The following IRAG2 variants were observed in gnomAD, a reference collection of about 807,000 sequenced individuals.
The protein encoded by IRAG2 is inositol 1,4,5-triphosphate receptor associated 2.
In IRAG2, 45 loss-of-function variants were observed where a neutral mutation model predicts 69.9. That is an observed-to-expected ratio of 0.64 (90% confidence interval 0.51 to 0.83). The LOEUF is 0.83. IRAG2 is among the 40% of genes least tolerant of loss of function. The pLI, the probability that IRAG2 is intolerant of heterozygous loss-of-function variation, is 0.00. For missense variants in IRAG2, 520 were observed against 587.0 expected (o/e 0.89, Z 1.18); for synonymous variants, 193 against 202.4 (o/e 0.95, Z 0.40).
rs74070691 is a variant in IRAG2, at chr12:25,044,131, A to G, written c.2144+5994A>G. ...CTAAAAATATGTAAATTATGATATC[A>G]ATAATAAAGTGTTTGAAGGAGAGAG... is the stretch of plus-strand genomic sequence containing the variant. On this transcript the variant is annotated intron_variant, in intron 16 of 38. Coordinates refer to the IRAG2 transcript ENST00000636465. 5.9e-3 allele frequency among the ~76,000 whole-genome samples: 893 copies of G among 152,282 alleles called. 13 individuals are homozygous for G. Among genetic ancestry groups the G allele is most frequent in the African/African-American group, 0.02 (851 of 41,562 alleles).
At chr12:25,039,262 T>G (rs893214692) in intron 16 of IRAG2, among the ~76,000 whole-genome samples, 2 of 152,038 alleles carry the variant, frequency 1.3e-5, no homozygotes, top group African/African-American at 4.8e-5. Flanking sequence ...CCCCCAAATA[T>G]AAGGAAACTA....
At chr12:25,013,047 T>C (rs1944489651) in intron 3 of IRAG2, among the ~76,000 whole-genome samples, 1 of 152,220 alleles carries the variant, frequency 6.6e-6, no homozygotes, top group Non-Finnish European at 1.5e-5. Flanking sequence ...CAAAGATTTT[T>C]AAAAAATGAC....
In IRAG2 at chr12:25,096,895, C is replaced by T; in HGVS notation, c.607-15C>T. ...CTTGTGTTAGATATCTTTTAATATGCTGTTTTCTATACAGTCTTTAACACC... is the reference window on the plus strand; with the variant it reads ...CTTGTGTTAGATATCTTTTAATATGTTGTTTTCTATACAGTCTTTAACACC... On this transcript the variant is annotated splice_polypyrimidine_tract_variant and intron_variant, in intron 14 of 21. Coordinates refer to ENST00000556887, the MANE Select transcript of IRAG2 (RefSeq NM_001366544.2). 6.3e-7 allele frequency: 1 copy of T among 1,593,804 alleles called. No individual in the cohort carries two copies. Among genetic ancestry groups the T allele is most frequent in the Non-Finnish European group, 8.5e-7 (1 of 1,172,712 alleles).
intron 7 of IRAG2, among the ~76,000 whole-genome samples, chr12:25,022,839 A>G (rs1321940530): frequency 6.6e-6 from 1 of 152,222 alleles, no homozygotes; most frequent in Non-Finnish European, 1.5e-5. Context: ...AAAAAATGGT[A>G]GGGCCACCGG....
chr12:25,073,311 C>T (rs2140051348), intron 6 of IRAG2, among the ~76,000 whole-genome samples: 1 of 152,186 alleles, frequency 6.6e-6, no homozygotes, highest in East Asian at 1.9e-4. Context: ...AACCAATGCG[C>T]ATGTAGCACC....
chr12:25,048,974 G>T (rs1228379025), upstream of IRAG2, among the ~76,000 whole-genome samples: 3 of 152,090 alleles, frequency 2.0e-5, no homozygotes, highest in Non-Finnish European at 2.9e-5. Flanking sequence ...TCAATTTTCT[G>T]CATGTAGCTA....
At chr12:25,015,666 C>T (rs1944521795) in intron 5 of IRAG2, among the ~76,000 whole-genome samples, 1 of 152,142 alleles carries the variant, frequency 6.6e-6, no homozygotes, top group Non-Finnish European at 1.5e-5. Context: ...CTCATGAAAC[C>T]CTTCTCCCTC....
intron 6 of IRAG2, chr12:25,017,365 A>G (rs1224592762): frequency 1.2e-5 from 14 of 1,142,972 alleles, no homozygotes; most frequent in African/African-American, 1.6e-5. Context: ...CCTTTTAAAT[A>G]TTGAGAGTCA....
At chr12:25,093,423 G>A (rs1030608532) in intron 14 of IRAG2, 1 of 153,118 alleles carries the variant, frequency 6.5e-6, no homozygotes, top group Non-Finnish European at 1.5e-5. Flanking sequence ...AGTTGGAATA[G>A]CCTCGTGTTG....
upstream of IRAG2, among the ~76,000 whole-genome samples, chr12:24,999,885 A>T (rs537329164): frequency 1.1e-4 from 17 of 152,180 alleles, no homozygotes; most frequent in South Asian, 3.5e-3. Flanking sequence ...ATAATTTTCC[A>T]GTATAACTAT....
At chr12:25,049,982 CAAAAAAA>C (rs56185966), upstream of IRAG2, among the ~76,000 whole-genome samples, 5 of 71,308 alleles carry the variant, frequency 7.0e-5, no homozygotes, top group South Asian at 4.2e-4. Context: ...AACTGTGTCT[CAAAAAAA>C]AAAAAAAAAA....
chr12:25,074,430 A>T (rs1946539178), intron 6 of IRAG2, among the ~76,000 whole-genome samples: 1 of 152,182 alleles, frequency 6.6e-6, no homozygotes, highest in Admixed American at 6.5e-5. Context: ...AGTGGCTTCC[A>T]TGCAGACTTT....
chr12:25,032,810 T>C (rs1163693774), intron 12 of IRAG2, among the ~76,000 whole-genome samples: 1 of 152,194 alleles, frequency 6.6e-6, no homozygotes, highest in African/African-American at 2.4e-5. Flanking sequence ...CTTAATTACC[T>C]TCCAAGTGTT....
intron 1 of IRAG2, among the ~76,000 whole-genome samples, chr12:25,054,954 C>A (rs1945140692): frequency 6.6e-6 from 1 of 152,188 alleles, no homozygotes; most frequent in Admixed American, 6.5e-5. Flanking sequence ...CCGCCATGAC[C>A]ACTGCCACCC....
upstream of IRAG2, among the ~76,000 whole-genome samples, chr12:25,051,484 T>G (rs1283076319): frequency 6.6e-6 from 1 of 152,236 alleles, no homozygotes; most frequent in Non-Finnish European, 1.5e-5. Context: ...TCAGATTGTT[T>G]CCAGATAATC....
At chr12:25,028,205 G>A (rs944006249) in intron 9 of IRAG2, among the ~76,000 whole-genome samples, 1 of 152,172 alleles carries the variant, frequency 6.6e-6, no homozygotes, top group African/African-American at 2.4e-5. Context: ...GATTACAGGG[G>A]TGAACCACCA....
intron 14 of IRAG2, chr12:25,036,459 A>G: frequency 2.5e-6 from 1 of 394,946 alleles, no homozygotes; most frequent in East Asian, 3.6e-5. Flanking sequence ...TGGGGGCATT[A>G]GATGCAAAGG....
At chr12:25,099,094 T>G (rs1398361135) in intron 15 of IRAG2, among the ~76,000 whole-genome samples, 1 of 152,130 alleles carries the variant, frequency 6.6e-6, no homozygotes, top group Non-Finnish European at 1.5e-5. Flanking sequence ...CTGATCTCCA[T>G]GTGCACGCAA....
intron 4 of IRAG2, among the ~76,000 whole-genome samples, chr12:25,064,734 T>C (rs1945857540): frequency 6.6e-6 from 1 of 152,182 alleles, no homozygotes; most frequent in African/African-American, 2.4e-5. Context: ...AATTAGTGCT[T>C]TTTAGAGATT....
Sources: allele counts gnomAD v4.1 joint callset (sites outside exome capture counted in the v4.1 genomes callset), GRCh38; gene constraint gnomAD v4.1.1; transcripts MANE v1.5; gene names NCBI Gene and HGNC (gene_info 2026-07-23, HGNC 2026-07-21).